CDKAL1: variants seen among roughly 807,000 people sequenced by gnomAD.
CDKAL1 encodes the protein threonylcarbamoyladenosine tRNA methylthiotransferase.
CDKAL1 carries 32 observed loss-of-function variants against 68.2 expected under a neutral mutation model. That is an observed-to-expected ratio of 0.47 (90% confidence interval 0.35 to 0.63). The LOEUF is 0.63. Among genes scored for constraint, CDKAL1 ranks in the 30% least tolerant of loss-of-function variants. CDKAL1 has a pLI of 0.00. For synonymous variants in CDKAL1, 234 were observed against 244.3 expected, an observed-to-expected ratio of 0.96 and a Z score of 0.39; for missense variants, 606 against 696.7, an observed-to-expected ratio of 0.87 and a Z score of 1.47.
intron 9 of CDKAL1, among the ~76,000 whole-genome samples, chr6:20,920,187 G>GTGAA (rs1255952332): frequency 1.3e-5 from 2 of 152,174 alleles, no homozygotes; most frequent in East Asian, 3.8e-4. Flanking sequence ...AGTTAGCACT[G>GTGAA]TGAAGCATCT....
At chr6:20,775,626 C>T (rs1775140162) in intron 7 of CDKAL1, among the ~76,000 whole-genome samples, 1 of 152,190 alleles carries the variant, frequency 6.6e-6, no homozygotes, top group African/African-American at 2.4e-5. Context: ...AGTCCTTGTC[C>T]TCTCTCCTTT....
chr6:20,946,367 C>G (rs944962046), intron 9 of CDKAL1, among the ~76,000 whole-genome samples: 1 of 152,156 alleles, frequency 6.6e-6, no homozygotes, highest in Non-Finnish European at 1.5e-5. Flanking sequence ...GGCTTAGTAC[C>G]TTGATTCATT....
chr6:20,639,733 C>T (rs1004696565), intron 4 of CDKAL1, among the ~76,000 whole-genome samples: 3 of 152,168 alleles, frequency 2.0e-5, no homozygotes, highest in East Asian at 1.9e-4. Flanking sequence ...TGCCGTGGTG[C>T]GATCTCGGCT....
intron 13 of CDKAL1, among the ~76,000 whole-genome samples, chr6:21,140,773 A>T (rs556466340): frequency 2.0e-5 from 3 of 152,310 alleles, no homozygotes; most frequent in Admixed American, 6.5e-5. Context: ...CCTGCTTGCT[A>T]TGTGTATTAG....
intron 13 of CDKAL1, among the ~76,000 whole-genome samples, chr6:21,147,909 TG>T (rs1776255098): frequency 6.6e-6 from 1 of 152,236 alleles, no homozygotes; most frequent in Non-Finnish European, 1.5e-5. Flanking sequence ...TTTTCTCATT[TG>T]TGGCAGTCTA....
chr6:20,835,207 A>G (rs930869847), intron 8 of CDKAL1, among the ~76,000 whole-genome samples: 2 of 152,206 alleles, frequency 1.3e-5, no homozygotes, highest in Non-Finnish European at 2.9e-5. Flanking sequence ...GATTGTGGCA[A>G]TGTTTCACAG....
intron 15 of CDKAL1, among the ~76,000 whole-genome samples, chr6:21,205,949 C>G (rs2151113195): frequency 6.6e-6 from 1 of 150,518 alleles, no homozygotes; most frequent in South Asian, 2.1e-4. Context: ...ATTCTCCTGC[C>G]TCAACCTCCC....
chr6:20,616,577 CTGTT>C (rs1477642506), intron 4 of CDKAL1, among the ~76,000 whole-genome samples: 2 of 145,918 alleles, frequency 1.4e-5, no homozygotes, highest in Non-Finnish European at 3.0e-5. Flanking sequence ...ATTTGGCTCT[CTGTT>C]TGTCTGTTAT....
At chr6:20,625,156 T>C (rs1767370702) in intron 4 of CDKAL1, among the ~76,000 whole-genome samples, 1 of 152,112 alleles carries the variant, frequency 6.6e-6, no homozygotes, top group Non-Finnish European at 1.5e-5. Context: ...TTGGAGAAGG[T>C]ATAGCTCTTT....
At chr6:20,561,217 G>A (rs1333342156) in intron 4 of CDKAL1, among the ~76,000 whole-genome samples, 1 of 151,854 alleles carries the variant, frequency 6.6e-6, no homozygotes, top group South Asian at 2.1e-4. Flanking sequence ...CGAGAGGGGC[G>A]GATCACCTGA....
rs974296643 is a variant in CDKAL1, at chr6:20,836,149, G to A, written c.639-9926G>A. Reference sequence around the variant, plus strand: ...CACCTGCACTTTTCGATAGTGACTCGGTAGAGTAACTATTTCATTCACTTG... The same window carrying A: ...CACCTGCACTTTTCGATAGTGACTCAGTAGAGTAACTATTTCATTCACTTG... On this transcript the variant is annotated intron_variant, in intron 8 of 15. Coordinates refer to ENST00000274695, the MANE Select transcript of CDKAL1 (RefSeq NM_017774.3). Among the ~76,000 whole-genome samples the A allele has an allele frequency of 9.2e-5, 14 of 152,164 alleles. No homozygotes were observed. In the East Asian group the frequency reaches 1.9e-3, roughly 21 times the overall value.
intron 5 of CDKAL1, among the ~76,000 whole-genome samples, chr6:20,698,150 G>A (rs1771186021): frequency 6.6e-6 from 1 of 152,146 alleles, no homozygotes; most frequent in Non-Finnish European, 1.5e-5. Context: ...GTGTATTGCA[G>A]TGTGTCTGTC....
intron 9 of CDKAL1, among the ~76,000 whole-genome samples, chr6:20,901,826 G>C (rs534141100): frequency 2.1e-4 from 32 of 151,780 alleles, no homozygotes; most frequent in African/African-American, 7.5e-4. Flanking sequence ...ATCCAGGCTG[G>C]AGTACCATGG....
chr6:20,955,050 G>A (rs543631956), intron 9 of CDKAL1, among the ~76,000 whole-genome samples: 38 of 152,288 alleles, frequency 2.5e-4, no homozygotes, highest in African/African-American at 8.9e-4. Context: ...TGCCTATTCT[G>A]TGGAGTGACT....
At chr6:21,077,231 G>A (rs1772121568) in intron 12 of CDKAL1, among the ~76,000 whole-genome samples, 1 of 152,002 alleles carries the variant, frequency 6.6e-6, no homozygotes, top group African/African-American at 2.4e-5. Context: ...ATTTTATTAT[G>A]AATCTAATGA....
intron 15 of CDKAL1, among the ~76,000 whole-genome samples, chr6:21,206,361 CTT>C (rs1248924419): frequency 1.3e-5 from 2 of 152,136 alleles, no homozygotes; most frequent in Admixed American, 6.5e-5. Flanking sequence ...ATCTGTCTCT[CTT>C]AGGAATATGC....
intron 15 of CDKAL1, among the ~76,000 whole-genome samples, chr6:21,225,033 C>T (rs1400234694): frequency 6.6e-6 from 1 of 152,106 alleles, no homozygotes. Context: ...CTGGCCCCTC[C>T]TAGGTACCAG....
chr6:20,973,791 G>C (rs767861142), intron 10 of CDKAL1, among the ~76,000 whole-genome samples: 10 of 152,080 alleles, frequency 6.6e-5, no homozygotes, highest in Non-Finnish European at 1.5e-4. Flanking sequence ...TTTTAGGAAA[G>C]TCATGGTCTC....
intron 12 of CDKAL1, among the ~76,000 whole-genome samples, chr6:21,093,694 CTTTTTTTTTTT>C (rs547923386): frequency 7.9e-5 from 7 of 88,096 alleles, no homozygotes; most frequent in African/African-American, 2.7e-4. Context: ...GCTGCTGCTG[CTTTTTTTTTTT>C]TTTTTTTTTT....
Sources: gnomAD v4.1 joint callset for allele counts (sites outside exome capture counted in the v4.1 genomes callset) on GRCh38, gnomAD v4.1.1 for gene constraint, MANE v1.5 for transcripts, NCBI Gene and HGNC (gene_info 2026-07-23, HGNC 2026-07-21) for gene names.